Variants in ACTR3 observed in about 807,000 individuals in gnomAD.
The protein encoded by ACTR3 is actin-related protein 3.
In ACTR3, 12 loss-of-function variants were observed where a neutral mutation model predicts 56.8. The ratio of observed to expected loss-of-function variants is 0.21; its 90% CI spans 0.14 to 0.34. The LOEUF (loss-of-function observed/expected upper bound fraction) is 0.34. Ranked by LOEUF, ACTR3 falls within the 10% of genes least tolerant of loss-of-function variation. The pLI, the probability that ACTR3 is intolerant of heterozygous loss-of-function variation, is 1.00. For missense variants in ACTR3, 282 were observed against 512.5 expected (o/e 0.55, Z 4.34); for synonymous variants, 162 against 167.4 (o/e 0.97, Z 0.25).
chr2:113,943,815 A>C (rs1294169150), intron 8 of ACTR3, among the ~76,000 whole-genome samples: 1 of 152,206 alleles, frequency 6.6e-6, no homozygotes, highest in Non-Finnish European at 1.5e-5. Context: ...CATCTTTTAA[A>C]AGGTTCAAAA....
Position 113,927,326 on chromosome 2 carries a change from T to A in ACTR3, c.226-19T>A. 6.8e-7 allele frequency: 1 copy of A among 1,472,900 alleles called. No individual in the cohort carries two copies. Among genetic ancestry groups the A allele is most frequent in the South Asian group, 1.3e-5 (1 of 74,710 alleles). The allele number at this position is 1,472,900 out of a possible 1,614,324, so 91.2% of individuals were successfully genotyped here. On this transcript the variant is annotated intron_variant, in intron 3 of 11. Transcript: ENST00000263238. ...ATATTAATAAGATTTAATTTGTATT[T>A]CCCTTTTTGTTTTAATAGTGGCCAA... is the stretch of plus-strand genomic sequence containing the variant.
chr2:113,953,082 G>C (rs919574490), intron 10 of ACTR3: 4 of 152,114 alleles, frequency 2.6e-5, no homozygotes, highest in African/African-American at 9.7e-5. Context: ...GTATGGTTAT[G>C]GATGTATTAA....
At chr2:113,957,139 G>T (rs553456010) in intron 11 of ACTR3, among the ~76,000 whole-genome samples, 36 of 152,234 alleles carry the variant, frequency 2.4e-4, no homozygotes, top group African/African-American at 8.4e-4. Context: ...CAAGGATTGG[G>T]GACAGGAGTT....
chr2:113,932,321 C>A (rs1016703187), intron 5 of ACTR3, among the ~76,000 whole-genome samples: 1 of 152,118 alleles, frequency 6.6e-6, no homozygotes, highest in African/African-American at 2.4e-5. Flanking sequence ...GTGGGAGGCC[C>A]TTTTTTAGTT....
chr2:113,939,846 G>C, intron 6 of ACTR3, 113 bp from the exon 7 acceptor site: 1 of 912,694 alleles, frequency 1.1e-6, no homozygotes, highest in South Asian at 2.3e-5. Flanking sequence ...AGCAGTACTT[G>C]AGACTATAAA....
chr2:113,917,958 A>G (rs186392446), intron 3 of ACTR3, among the ~76,000 whole-genome samples: 42 of 152,310 alleles, frequency 2.8e-4, no homozygotes, highest in African/African-American at 9.9e-4. Flanking sequence ...GGCTTGAAGA[A>G]TAAAATAGGA....
At chr2:113,910,561 A>G (rs1220227416) in intron 1 of ACTR3, among the ~76,000 whole-genome samples, 1 of 152,060 alleles carries the variant, frequency 6.6e-6, no homozygotes, top group East Asian at 1.9e-4. Flanking sequence ...AGTCTTGGGG[A>G]CTGAGCCTTC....
chr2:113,909,119 A>T (rs911782826), intron 1 of ACTR3, among the ~76,000 whole-genome samples: 1 of 152,198 alleles, frequency 6.6e-6, no homozygotes, highest in Non-Finnish European at 1.5e-5. Flanking sequence ...AACATTAGTT[A>T]CTGCTCCCCA....
intron 11 of ACTR3, 40 bp from the exon 12 acceptor site, chr2:113,957,320 A>G: frequency 6.9e-7 from 1 of 1,453,710 alleles, no homozygotes; most frequent in South Asian, 1.1e-5. Context: ...AAGATGGTAG[A>G]TTTTTGACCC....
At chr2:113,895,558 T>C (rs2104578767) in intron 1 of ACTR3, among the ~76,000 whole-genome samples, 1 of 152,322 alleles carries the variant, frequency 6.6e-6, no homozygotes, top group East Asian at 1.9e-4. Flanking sequence ...ATAGGCTTCC[T>C]AGATGATTCT....
At chr2:113,913,629 G>A (rs901793943) in intron 2 of ACTR3, among the ~76,000 whole-genome samples, 2 of 152,020 alleles carry the variant, frequency 1.3e-5, no homozygotes, top group African/African-American at 4.8e-5. Flanking sequence ...ATCTGTTGAC[G>A]TCCTCACTAA....
intron 1 of ACTR3, among the ~76,000 whole-genome samples, chr2:113,901,666 A>G (rs935096264): frequency 4.6e-5 from 7 of 152,216 alleles, no homozygotes; most frequent in African/African-American, 1.7e-4. Context: ...AGTCTCTTCT[A>G]TCCTTAAGCT....
intron 5 of ACTR3, 147 bp downstream of exon 5, chr2:113,931,543 TA>T (rs1280780149): frequency 2.3e-6 from 1 of 441,304 alleles, no homozygotes; most frequent in Non-Finnish European, 4.0e-6. Flanking sequence ...ATTGTTAATT[TA>T]GAAGTAATAT....
intron 3 of ACTR3, 63 bp downstream of exon 3, chr2:113,917,071 C>A: frequency 7.0e-7 from 1 of 1,420,748 alleles, no homozygotes. Flanking sequence ...TGCTTGTGCC[C>A]TCTGGAATTC....
At chr2:113,942,680 TTGAAA>T (rs1390243798) in intron 8 of ACTR3, among the ~76,000 whole-genome samples, 1 of 152,022 alleles carries the variant, frequency 6.6e-6, no homozygotes, top group Non-Finnish European at 1.5e-5. Flanking sequence ...AGTTTTGTAA[TTGAAA>T]TAAAATATTT....
At chr2:113,894,281 C>CAA (rs1490090358) in intron 1 of ACTR3, among the ~76,000 whole-genome samples, 2 of 152,044 alleles carry the variant, frequency 1.3e-5, no homozygotes, top group Non-Finnish European at 2.9e-5. Context: ...TTAGTAGAGA[C>CAA]AGAGTTTCAC....
At chr2:113,911,760 A>G (rs971597458) in intron 1 of ACTR3, among the ~76,000 whole-genome samples, 1 of 151,790 alleles carries the variant, frequency 6.6e-6, no homozygotes, top group African/African-American at 2.4e-5. Flanking sequence ...TTTTTGAGAC[A>G]GAGTCTCACT....
chr2:113,929,624 C>T (rs1273953473), intron 4 of ACTR3, among the ~76,000 whole-genome samples: 1 of 151,918 alleles, frequency 6.6e-6, no homozygotes, highest in Non-Finnish European at 1.5e-5. Context: ...TTTTGCACAC[C>T]CCCCAGTGAT....
At chr2:113,919,620 G>A (rs1333879679) in intron 3 of ACTR3, among the ~76,000 whole-genome samples, 2 of 152,132 alleles carry the variant, frequency 1.3e-5, no homozygotes, top group East Asian at 1.9e-4. Context: ...GTAACAGGGC[G>A]TGATGAATGG....
Sources: allele counts gnomAD v4.1 joint callset (sites outside exome capture counted in the v4.1 genomes callset), GRCh38; gene constraint gnomAD v4.1.1; transcripts MANE v1.5; gene names NCBI Gene and HGNC (gene_info 2026-07-23, HGNC 2026-07-21).